EFNB1: variants seen among roughly 807,000 people sequenced by gnomAD.
EFNB1 encodes ephrin-B1.
Under a neutral mutation model 18.1 loss-of-function variants are expected in EFNB1, and 1 was observed. That is an observed-to-expected ratio of 0.06 (90% CI 0.02 to 0.26). The LOEUF is 0.26. Among genes scored for constraint, EFNB1 ranks in the 10% least tolerant of loss-of-function variants. The pLI, the probability that EFNB1 is intolerant of heterozygous loss-of-function variation, is 1.00. For missense variants in EFNB1, 221 were observed against 301.8 expected (o/e 0.73, Z 1.98); for synonymous variants, 131 against 127.5 (o/e 1.03, Z -0.19).
At chrX:68,839,872 C>A (rs1347913379) in intron 3 of EFNB1, 88 bp from the exon 4 acceptor site, 1 of 1,192,414 alleles carries the variant, frequency 8.4e-7, no homozygotes, top group Admixed American at 2.2e-5. Context: ...GTTACAGTAT[C>A]CAGGCCATTC....
Position 68,840,057 on chromosome X carries a change from G to A in EFNB1, c.597G>A (p.Arg199=). 8.3e-7 allele frequency: 1 copy of A among 1,211,944 alleles called. No individual in the cohort carries two copies. Residue 199 remains arginine (R), a synonymous_variant, in exon 4 of 5, where the codon CGG becomes CGA. Coordinates refer to ENST00000204961, the MANE Select transcript of EFNB1 (RefSeq NM_004429.5). ...TGGCCACACAGGCCCCTGGTAGTCG[G>A]GGCTCCCTGGGTGACTCTGATGGCA... is the stretch of plus-strand genomic sequence containing the variant. ...VKMATQAPGS[R]GSLGDSDGKH...
At position 68,837,447 on chromosome X, in the gene EFNB1, C is replaced by G. The variant is rs779001214; in HGVS notation, c.129-1170C>G. Among the ~76,000 whole-genome samples the G allele has an allele frequency of 3.3e-4, 37 of 112,368 alleles. 1 individual carries two copies. Among genetic ancestry groups the G allele is most frequent in the Non-Finnish European group, 4.7e-4 (25 of 53,281 alleles). On this transcript the variant is annotated intron_variant, in intron 1 of 4. Coordinates refer to ENST00000204961, the MANE Select transcript of EFNB1 (RefSeq NM_004429.5). The stretch of plus-strand genomic sequence containing the variant: ...AGAAACTGAAGCTCAGAACAGGCAG[C>G]TCATCCAAGGTCACAGAGTTAGTAA...
chrX:68,838,534 G>A (rs748909631), intron 1 of EFNB1, 83 bp from the exon 2 acceptor site: 40 of 1,139,698 alleles, frequency 3.5e-5, no homozygotes, highest in Admixed American at 4.6e-5. Flanking sequence ...GGCCCAGCCC[G>A]GCTCTTGTCC....
Position 68,840,467 on chromosome X carries a change from T to G in EFNB1, c.854T>G (p.Leu285Arg). 1 of 1,211,579 alleles carries G rather than the reference T, an allele frequency of 8.3e-7. No individual in the cohort carries two copies. The highest frequency in any genetic ancestry group is 1.1e-6 in the Non-Finnish European group (1 of 895,321). ...QRAAALSLST[L>R]ASPKGGSGTA... ...GCGGCTGCCCTCTCGCTCAGTACCC[T>G]GGCCAGTCCCAAGGGGGGCAGTGGC... Residue 285 changes from leucine to arginine, a missense_variant, in exon 5 of 5, where the codon CTG (leucine) becomes CGG (arginine). Coordinates refer to ENST00000204961, the MANE Select transcript of EFNB1 (RefSeq NM_004429.5).
rs1244183650 is a variant in EFNB1, at chrX:68,838,877, A to G, written c.389A>G (p.His130Arg). 17 of 1,198,933 alleles carry G rather than the reference A, an allele frequency of 1.4e-5. No individual in the cohort carries two copies. In the East Asian group the frequency reaches 3.3e-4, roughly 23 times the overall value. Residue 130 changes from histidine (H) to arginine (R), a missense_variant, in exon 2 of 5, where the codon CAT becomes CGT. Transcript: ENST00000204961. ...NYMGLEFKKHHDYYITSTSNG... is the reference protein window; with the variant it reads ...NYMGLEFKKHRDYYITSTSNG... The stretch of plus-strand genomic sequence containing the variant: ...ATGGGCCTGGAGTTCAAGAAGCACC[A>G]TGATTACTACATTACCTGTGAGTCC...
chrX:68,836,959 C>T (rs12013955), intron 1 of EFNB1, among the ~76,000 whole-genome samples: 18,537 of 111,172 alleles, frequency 0.17, 1,118 homozygotes, highest in African/African-American at 0.19. Flanking sequence ...CTGCTGTCTA[C>T]TGTCTCAGTG....
intron 1 of EFNB1, among the ~76,000 whole-genome samples, chrX:68,838,185 G>A (rs1263583633): frequency 1.1e-4 from 11 of 100,842 alleles, no homozygotes; most frequent in East Asian, 3.1e-4. Flanking sequence ...GCGCGCGCGC[G>A]CGCACGTGTG....
intron 1 of EFNB1, among the ~76,000 whole-genome samples, chrX:68,836,535 A>G (rs1037892304): frequency 8.9e-6 from 1 of 112,220 alleles, no homozygotes; most frequent in Non-Finnish European, 1.9e-5. Flanking sequence ...CCATGTGGTC[A>G]GTTTCCCTCT....
rs1356563256 is a variant in EFNB1 at position 68,840,976 on chromosome X, C to T, written c.*322C>T. ...CCCCTGGCCCTGCCCCTCCCTCGCC[C>T]CCCTTGCCACCTTCCCAGGACTGCT... On this transcript the variant is annotated 3_prime_UTR_variant, in exon 5 of 5. Transcript: ENST00000204961. The T allele has an allele frequency of 2.6e-5, 9 of 347,464 alleles. No individual in the cohort carries two copies. The highest frequency in any genetic ancestry group is 4.0e-5 in the Non-Finnish European group (8 of 198,166). The allele number at this position is 347,464 out of a possible 1,213,427, so 28.6% of individuals were successfully genotyped here. A position where few individuals can be genotyped will look rare whatever the true frequency, so the allele number is the denominator to read the frequency against.
Position 68,829,251 on chromosome X carries a change from C to T in EFNB1, c.-526C>T. The T allele has an allele frequency of 6.6e-6, 1 of 152,130 alleles. No homozygotes were observed. The highest frequency in any genetic ancestry group is 1.3e-5 in the Non-Finnish European group (1 of 79,073). The allele number at this position is 152,130 out of a possible 1,213,427, so 12.5% of individuals were successfully genotyped here. ...AGAAGCTGTCCGGGGGCGCGTAGCCCGGAGTCCCAGTGTGGCCCGGAGGAA... is the reference window on the plus strand; with the variant it reads ...AGAAGCTGTCCGGGGGCGCGTAGCCTGGAGTCCCAGTGTGGCCCGGAGGAA... On this transcript the variant is annotated 5_prime_UTR_variant, in exon 1 of 5. Transcript: ENST00000204961.
chrX:68,830,130 G>A (rs2080440898), intron 1 of EFNB1, among the ~76,000 whole-genome samples: 1 of 111,509 alleles, frequency 9.0e-6, no homozygotes, highest in African/African-American at 3.3e-5. Context: ...CCCACCCCCT[G>A]CCTCTGCACG....
Position 68,829,589 on chromosome X carries a change from T to C in EFNB1, c.-188T>C. 1 of 721,913 alleles carries C rather than the reference T, an allele frequency of 1.4e-6. No homozygotes were observed. Among genetic ancestry groups the C allele is most frequent in the Non-Finnish European group, 2.0e-6 (1 of 498,537 alleles). 59.5% of individuals were successfully genotyped at this position (721,913 alleles called of 1,213,427 possible). On this transcript the variant is annotated 5_prime_UTR_variant, in exon 1 of 5. It removes the in-frame stop codon of an upstream open reading frame in the 5' UTR. Transcript: ENST00000204961. ...GCCCGGGTTGGGGGCGGCTGCCCAG[T>C]GAGTCCTCCTGGCCGGCCGGGCGGA...
chrX:68,840,068 G>C lies in EFNB1; in HGVS notation c.608G>C (p.Gly203Ala). Residue 203 changes from glycine to alanine, a missense_variant, in exon 4 of 5, where the codon GGT becomes GCT. By Grantham distance (60) the Gly-to-Ala change is moderately conservative (BLOSUM62 0). Transcript: ENST00000204961. ...TQAPGSRGSLGDSDGKHETVN... is the reference protein window; with the variant it reads ...TQAPGSRGSLADSDGKHETVN... ...GCCCCTGGTAGTCGGGGCTCCCTGG[G>C]TGACTCTGATGGCAAGCATGGTAAG... 6 of 1,212,108 alleles carry C rather than the reference G, an allele frequency of 5.0e-6. No homozygotes were observed. Among genetic ancestry groups the C allele is most frequent in the Non-Finnish European group, 6.7e-6 (6 of 895,608 alleles).
At position 68,838,632 on chromosome X, in the gene EFNB1, G is replaced by A. The variant is rs1441168432; in HGVS notation, c.144G>A (p.Lys48=). The A allele has an allele frequency of 8.3e-7, 1 of 1,211,961 alleles. No individual in the cohort carries two copies. Among genetic ancestry groups the A allele is most frequent in the Admixed American group, 2.2e-5 (1 of 46,089 alleles). ...TTCTGGGCAGGTTCCTGAGTGGGAA[G>A]GGCTTGGTGATCTATCCGAAAATTG... ...SSLNPKFLSG[K]GLVIYPKIGD... Residue 48 remains lysine, a synonymous_variant, in exon 2 of 5, where the codon AAG becomes AAA. Transcript: ENST00000204961.
intron 1 of EFNB1, among the ~76,000 whole-genome samples, chrX:68,830,171 C>A (rs1372248915): frequency 8.9e-6 from 1 of 111,767 alleles, no homozygotes; most frequent in Non-Finnish European, 1.9e-5. Flanking sequence ...GTCGCACAGG[C>A]GGAGCTGGGG....
chrX:68,837,549 C>T (rs758927485), intron 1 of EFNB1, among the ~76,000 whole-genome samples: 29 of 112,432 alleles, frequency 2.6e-4, no homozygotes, highest in Middle Eastern at 4.6e-3. Flanking sequence ...CAGCACCAGC[C>T]CATCCAGTCT....
intron 1 of EFNB1, 38 bp from the exon 2 acceptor site, chrX:68,838,579 C>G (rs779023711): frequency 8.3e-7 from 1 of 1,209,908 alleles, no homozygotes; most frequent in Non-Finnish European, 1.1e-6. Flanking sequence ...GGGGCCACCC[C>G]CAACCCTGAG....
intron 1 of EFNB1, among the ~76,000 whole-genome samples, chrX:68,837,409 A>G (rs1331639020): frequency 8.9e-6 from 1 of 111,855 alleles, no homozygotes; most frequent in Non-Finnish European, 1.9e-5. Context: ...TGCCACCCCC[A>G]CTTTACAAGA....
At chrX:68,838,154 TGTGTGTGTGTGTGTGTGTGCGCGC>T (rs60770716) in intron 1 of EFNB1, among the ~76,000 whole-genome samples, 4,827 of 55,992 alleles carry the variant, frequency 0.086, 293 homozygotes, top group African/African-American at 0.32. Context: ...TGTGTGTGTG[TGTGTGTGTGTGTGTGTGTGCGCGC>T]GCGCGCGCGC....
Sources: allele counts gnomAD v4.1 joint callset (sites outside exome capture counted in the v4.1 genomes callset), GRCh38; gene constraint gnomAD v4.1.1; transcripts MANE v1.5; gene names NCBI Gene and HGNC (gene_info 2026-07-23, HGNC 2026-07-21).